The following GK variants were observed in gnomAD, a reference collection of about 807,000 sequenced individuals.
GK encodes glycerol kinase.
GK carries 9 observed loss-of-function variants against 56.4 expected under a neutral mutation model. That is an observed-to-expected ratio of 0.16 (90% CI 0.10 to 0.28). The LOEUF (loss-of-function observed/expected upper bound fraction) is 0.28, where lower values mean the gene tolerates loss of function less well. Among genes scored for constraint, GK ranks in the 10% least tolerant of loss-of-function variants. The pLI, the probability that GK is intolerant of heterozygous loss-of-function variation, is 1.00. For missense variants in GK, 161 were observed against 431.4 expected (o/e 0.37, Z 5.55); for synonymous variants, 104 against 144.1 (o/e 0.72, Z 1.99).
At chrX:30,674,484 G>A (rs1933745849) in intron 3 of GK, 1 of 290,117 alleles carries the variant, frequency 3.4e-6, no homozygotes, top group Non-Finnish European at 6.7e-6. Context: ...ATCCTCTCCT[G>A]TCACTACATC....
At chrX:30,695,062 A>G (rs1456120418) in intron 6 of GK, 2 of 406,425 alleles carry the variant, frequency 4.9e-6, no homozygotes, top group Non-Finnish European at 8.3e-6. Flanking sequence ...TACTATACTC[A>G]CATATTCTTT....
chrX:30,717,501 A>G (rs776141299), intron 13 of GK, among the ~76,000 whole-genome samples: 1 of 110,912 alleles, frequency 9.0e-6, no homozygotes, highest in Non-Finnish European at 1.9e-5. Flanking sequence ...CCCCCAGCCC[A>G]GGCAACCACT....
intron 13 of GK, among the ~76,000 whole-genome samples, chrX:30,714,907 T>C (rs1446993590): frequency 8.9e-6 from 1 of 112,578 alleles, no homozygotes; most frequent in Non-Finnish European, 1.9e-5. Context: ...TAATGAAATC[T>C]GTTACATTTC....
In GK at chrX:30,705,572, C is replaced by T. The variant is rs768884261; in HGVS notation, c.852-1984C>T. Among the ~76,000 whole-genome samples the T allele has an allele frequency of 7.1e-5, 8 of 112,063 alleles. No individual in the cohort carries two copies. In the South Asian group the frequency reaches 3.0e-3, roughly 42 times the overall value. ...GATAGTCATGAAGGAGAGCAAGCAACGTTTACCTTTGTAGAAGTTAGAAAA... is the reference window on the plus strand; with the variant it reads ...GATAGTCATGAAGGAGAGCAAGCAATGTTTACCTTTGTAGAAGTTAGAAAA... On this transcript the variant is annotated intron_variant, in intron 11 of 20. Coordinates refer to ENST00000427190, the MANE Select transcript of GK (RefSeq NM_001205019.2).
intron 4 of GK, among the ~76,000 whole-genome samples, chrX:30,687,099 A>T (rs1400129617): frequency 1.8e-5 from 2 of 110,947 alleles, no homozygotes; most frequent in African/African-American, 3.3e-5. Flanking sequence ...CTTAATGTAG[A>T]TGGCCACAAC....
intron 4 of GK, among the ~76,000 whole-genome samples, chrX:30,681,777 A>G (rs970413771): frequency 8.9e-6 from 1 of 112,122 alleles, no homozygotes; most frequent in African/African-American, 3.2e-5. Context: ...GGAAGTCAGA[A>G]TGCGATGGAA....
chrX:30,666,864 A>T (rs1244372667), intron 2 of GK, among the ~76,000 whole-genome samples: 1 of 111,997 alleles, frequency 8.9e-6, no homozygotes, highest in African/African-American at 3.2e-5. Flanking sequence ...TTAAAAATAA[A>T]TTAGAGACGA....
At chrX:30,674,020 TTACTC>T (rs1267239709) in intron 3 of GK, among the ~76,000 whole-genome samples, 5 of 111,915 alleles carry the variant, frequency 4.5e-5, no homozygotes, top group African/African-American at 1.6e-4. Flanking sequence ...TCTGAAACTG[TTACTC>T]TACTCTCTTC....
At chrX:30,674,220 T>C in intron 3 of GK, 2 of 323,339 alleles carry the variant, frequency 6.2e-6, no homozygotes, top group South Asian at 5.3e-5. Flanking sequence ...AGCACAGGAA[T>C]TGGAATTTGA....
intron 13 of GK, among the ~76,000 whole-genome samples, chrX:30,713,870 T>C (rs909309509): frequency 8.9e-6 from 1 of 112,175 alleles, no homozygotes; most frequent in Non-Finnish European, 1.9e-5. Flanking sequence ...CTGAGCTTAC[T>C]TATGACTTGA....
rs1305568725 is a variant in GK at position 30,729,812 on chromosome X, A to C, written c.*1070A>C. Reference sequence around the variant, plus strand: ...ACTACAGTAAATATTGTTTTCAAACACAAGCAATAATTCAAATAGTTATTT... The same window carrying C: ...ACTACAGTAAATATTGTTTTCAAACCCAAGCAATAATTCAAATAGTTATTT... On this transcript the variant is annotated 3_prime_UTR_variant, in exon 21 of 21. Transcript: ENST00000427190. The C allele has an allele frequency of 6.2e-5, 7 of 113,293 alleles. No individual in the cohort carries two copies. Among genetic ancestry groups the C allele is most frequent in the African/African-American group, 2.2e-4 (7 of 31,256 alleles). 9.3% of individuals were successfully genotyped at this position (113,293 alleles called of 1,213,427 possible).
At position 30,653,675 on chromosome X, in the gene GK, G is replaced by T. The variant is rs747959680; in HGVS notation, c.78+60G>T. 8,188 of 1,005,709 alleles carry T rather than the reference G, an allele frequency of 8.1e-3. 28 individuals carry two copies. The highest frequency in any genetic ancestry group is 9.2e-3 in the Non-Finnish European group (6,507 of 708,438). The allele number at this position is 1,005,709 out of a possible 1,213,427, so 82.9% of individuals were successfully genotyped here. A position where few individuals can be genotyped will look rare whatever the true frequency, so the allele number is the denominator to read the frequency against. On this transcript the variant is annotated intron_variant, in intron 1 of 20. Transcript: ENST00000427190. ...CCGGGGCGGGAGTCGGGGGACGGAG[G>T]GGGTGGCTGTTGTGTCCCCATCCCG...
intron 11 of GK, among the ~76,000 whole-genome samples, chrX:30,706,004 G>A (rs1416497789): frequency 8.9e-6 from 1 of 112,127 alleles, no homozygotes; most frequent in East Asian, 2.8e-4. Context: ...CCATTTTTAT[G>A]AATATTTATC....
chrX:30,695,777 A>G (rs899982397), intron 6 of GK, among the ~76,000 whole-genome samples: 2 of 112,467 alleles, frequency 1.8e-5, no homozygotes, highest in Non-Finnish European at 3.8e-5. Context: ...TTTTTTATTT[A>G]TCCATCAAGT....
At chrX:30,665,643 A>G in intron 2 of GK, 59 bp downstream of exon 2, 1 of 704,851 alleles carries the variant, frequency 1.4e-6, no homozygotes, top group South Asian at 2.2e-5. Flanking sequence ...ATCTCACCCA[A>G]CTTGCCCTGT....
intron 9 of GK, among the ~76,000 whole-genome samples, chrX:30,698,855 A>G (rs1283433954): frequency 5.7e-5 from 5 of 87,177 alleles, no homozygotes; most frequent in African/African-American, 2.2e-4. Context: ...AACAAGAGTG[A>G]AACTCCATCT....
chrX:30,716,400 T>C (rs745962338), intron 13 of GK, among the ~76,000 whole-genome samples: 11 of 112,025 alleles, frequency 9.8e-5, no homozygotes, highest in African/African-American at 3.6e-4. Flanking sequence ...CTAGTCTGAA[T>C]TGAGATGTGC....
chrX:30,654,390 T>A (rs756648875), intron 1 of GK, among the ~76,000 whole-genome samples: 15 of 112,740 alleles, frequency 1.3e-4, no homozygotes, highest in East Asian at 5.5e-4. Flanking sequence ...GATTAATTTT[T>A]GTGCAATTAG....
chrX:30,687,699 G>T (rs1934699868), intron 4 of GK: 1 of 326,841 alleles, frequency 3.1e-6, no homozygotes, highest in Non-Finnish European at 6.1e-6. Flanking sequence ...TGCCAGATCT[G>T]GATCTGTCAT....
Sources: allele counts gnomAD v4.1 joint callset (sites outside exome capture counted in the v4.1 genomes callset), GRCh38; gene constraint gnomAD v4.1.1; transcripts MANE v1.5; gene names NCBI Gene and HGNC (gene_info 2026-07-23, HGNC 2026-07-21).